Variants in RP1L1 observed in about 807,000 individuals in gnomAD.
RP1L1 encodes RP1 like 1.
RP1L1 carries 27 observed loss-of-function variants against 15.7 expected under a neutral mutation model. That is an observed-to-expected ratio of 1.72 (90% CI 1.27 to 2.38). The LOEUF (loss-of-function observed/expected upper bound fraction) is 2.38, where lower values mean the gene tolerates loss of function less well. Among genes scored for constraint, RP1L1 ranks in the 30% most tolerant of loss-of-function variants. The pLI is 0.00. For missense variants in RP1L1, 4,798 were observed against 3,075.9 expected (o/e 1.56, Z -13.24); for synonymous variants, 1,813 against 1,276.7 (o/e 1.42, Z -8.96).
At position 10,643,868 on chromosome 8, in the gene RP1L1, A is replaced by C. The variant is rs528250322; in HGVS notation, c.-20+11030T>G. On this transcript the variant is annotated intron_variant, in intron 1 of 3. Coordinates refer to ENST00000382483, the MANE Select transcript of RP1L1 (RefSeq NM_178857.6). ...AGTGCCATGGAAATTCAGGGAATGG[A>C]AGCAACCAGAGTGTTACCAGAAACT... Among the ~76,000 whole-genome samples the C allele has an allele frequency of 2.0e-5, 3 of 152,074 alleles. No individual in the cohort carries two copies. In the South Asian group the frequency reaches 6.3e-4, roughly 32 times the overall value.
At chr8:10,619,960 CA>C (rs34459240) in intron 2 of RP1L1, among the ~76,000 whole-genome samples, 53,820 of 87,234 alleles carry the variant, frequency 0.62, 13,911 homozygotes, top group Middle Eastern at 0.7. Flanking sequence ...GACTCCATCT[CA>C]AAAAAAAAAA....
At chr8:10,620,301 C>T (rs1041896453) in intron 2 of RP1L1, among the ~76,000 whole-genome samples, 22 of 152,076 alleles carry the variant, frequency 1.4e-4, no homozygotes, top group African/African-American at 5.1e-4. Context: ...GGAGAATGTT[C>T]CCCCTTAGAA....
chr8:10,637,183 C>T (rs2117251275), intron 1 of RP1L1, among the ~76,000 whole-genome samples: 1 of 152,312 alleles, frequency 6.6e-6, no homozygotes, highest in South Asian at 2.1e-4. Flanking sequence ...ACTCAATGCT[C>T]ACAGCAAGGC....
At position 10,623,216 on chromosome 8, in the gene RP1L1, G is replaced by A. The variant is rs750559072; in HGVS notation, c.-15C>T. On this transcript the variant is annotated 5_prime_UTR_variant, in exon 2 of 4. Coordinates refer to ENST00000382483, the MANE Select transcript of RP1L1 (RefSeq NM_178857.6). ...GTGCTGTTCATGGTGTGGGGGCTCTGGCCGCTGTAACAGGGCAGAGGAAGA... is the reference window on the plus strand; with the variant it reads ...GTGCTGTTCATGGTGTGGGGGCTCTAGCCGCTGTAACAGGGCAGAGGAAGA... The A allele has an allele frequency of 1.3e-6, 2 of 1,535,652 alleles. No individual in the cohort carries two copies. Among genetic ancestry groups the A allele is most frequent in the Non-Finnish European group, 1.7e-6 (2 of 1,143,536 alleles).
At chr8:10,624,233 T>TTGCATCAGGCTCTGGGTG (rs370188479) in intron 1 of RP1L1, among the ~76,000 whole-genome samples, 60 of 152,350 alleles carry the variant, frequency 3.9e-4, no homozygotes, top group Non-Finnish European at 7.3e-4. Context: ...TGAGCATCTA[T>TTGCATCAGGCTCTGGGTG]TGCATCAGGC....
chr8:10,607,975 G>A lies in RP1L1; in HGVS notation c.6123C>T (p.Thr2041=), dbSNP rs1935859742. ...GCTGGGCATCCCCTTCTGTCTTCTG[G>A]GTCTCCCCTTCAACCTCCTGGGCCT... is the stretch of plus-strand genomic sequence containing the variant. The part of the protein sequence containing the change: ...GEEAQEVEGE[T]QKTEGDAQPE... The change falls in exon 4 of 4, where the codon ACC becomes ACT. Residue 2041 remains threonine, a synonymous_variant. Transcript: ENST00000382483. 2.5e-6 allele frequency: 4 copies of A among 1,610,112 alleles called. No homozygotes were observed. The highest frequency in any genetic ancestry group is 2.7e-5 in the African/African-American group (2 of 73,360).
At chr8:10,651,449 C>T (rs1798559653) in intron 1 of RP1L1, among the ~76,000 whole-genome samples, 1 of 152,148 alleles carries the variant, frequency 6.6e-6, no homozygotes. Context: ...TATGCTCGGG[C>T]CGGGCGCAGT....
chr8:10,617,380 A>T (rs866301683), intron 2 of RP1L1, among the ~76,000 whole-genome samples: 7 of 142,518 alleles, frequency 4.9e-5, no homozygotes, highest in Non-Finnish European at 1.1e-4. Context: ...CTCTAAAATT[A>T]TAAGGGTATG....
At chr8:10,628,321 T>C (rs1326087895) in intron 1 of RP1L1, among the ~76,000 whole-genome samples, 1 of 152,124 alleles carries the variant, frequency 6.6e-6, no homozygotes, top group Non-Finnish European at 1.5e-5. Flanking sequence ...ATTCTTAAAA[T>C]TGTCTAGGTA....
At chr8:10,621,591 G>C (rs978209808) in intron 2 of RP1L1, 16 of 411,400 alleles carry the variant, frequency 3.9e-5, no homozygotes, top group African/African-American at 3.3e-4. Flanking sequence ...CTCCCAAAGT[G>C]CTGGGATTAC....
intron 2 of RP1L1, 76 bp downstream of exon 2, chr8:10,622,517 T>C: frequency 1.3e-6 from 2 of 1,593,580 alleles, no homozygotes; most frequent in East Asian, 2.2e-5. Flanking sequence ...AGGAATAATC[T>C]CTCTCTTCCA....
intron 1 of RP1L1, among the ~76,000 whole-genome samples, chr8:10,649,480 C>T (rs564856237): frequency 1.3e-3 from 193 of 152,340 alleles, no homozygotes; most frequent in Non-Finnish European, 1.9e-3. Context: ...ACCCAGTAGA[C>T]CACAGCCTGC....
chr8:10,617,852 G>A (rs181711673), intron 2 of RP1L1, among the ~76,000 whole-genome samples: 33 of 152,108 alleles, frequency 2.2e-4, no homozygotes, highest in East Asian at 9.7e-4. Context: ...CACTGCACCC[G>A]GCCTAGAAGT....
At chr8:10,632,343 A>G (rs1205802884) in intron 1 of RP1L1, among the ~76,000 whole-genome samples, 1 of 152,242 alleles carries the variant, frequency 6.6e-6, no homozygotes, top group African/African-American at 2.4e-5. Context: ...TCCTCTGGAA[A>G]TGGAGGCGGC....
chr8:10,630,867 T>C (rs1221963341), intron 1 of RP1L1, among the ~76,000 whole-genome samples: 1 of 152,154 alleles, frequency 6.6e-6, no homozygotes, highest in Non-Finnish European at 1.5e-5. Flanking sequence ...ACAACAGAGA[T>C]TCATAAGAGA....
At chr8:10,652,985 T>G (rs1274739068) in intron 1 of RP1L1, among the ~76,000 whole-genome samples, 1 of 152,152 alleles carries the variant, frequency 6.6e-6, no homozygotes, top group Non-Finnish European at 1.5e-5. Flanking sequence ...CAGGCCACTG[T>G]TAGACAAATC....
At chr8:10,640,831 C>T (rs1311059495) in intron 1 of RP1L1, among the ~76,000 whole-genome samples, 3 of 152,058 alleles carry the variant, frequency 2.0e-5, no homozygotes, top group African/African-American at 7.2e-5. Context: ...AGTACAATGG[C>T]GTAAACACAG....
At chr8:10,615,705 T>C (rs866355299) in intron 3 of RP1L1, among the ~76,000 whole-genome samples, 1 of 151,580 alleles carries the variant, frequency 6.6e-6, no homozygotes. Context: ...ATTTGTTCAT[T>C]ACTTATTGAT....
intron 1 of RP1L1, among the ~76,000 whole-genome samples, chr8:10,651,933 A>G (rs1353017087): frequency 6.6e-6 from 1 of 152,092 alleles, no homozygotes; most frequent in Non-Finnish European, 1.5e-5. Flanking sequence ...TGTGCCATTT[A>G]AAAAAATCTT....
Sources: allele counts gnomAD v4.1 joint callset (sites outside exome capture counted in the v4.1 genomes callset), GRCh38; gene constraint gnomAD v4.1.1; transcripts MANE v1.5; gene names NCBI Gene and HGNC (gene_info 2026-07-23, HGNC 2026-07-21).